Variants in CLIP4 observed in about 807,000 individuals in gnomAD.
The protein encoded by CLIP4 is CAP-Gly domain-containing linker protein 4.
CLIP4 carries 47 observed loss-of-function variants against 73.1 expected under a neutral mutation model. The ratio of observed to expected loss-of-function variants is 0.64; its 90% CI spans 0.51 to 0.82. The LOEUF is 0.82. Among genes scored for constraint, CLIP4 ranks in the 40% least tolerant of loss-of-function variants. CLIP4 has a pLI of 0.00. For synonymous variants in CLIP4, 306 were observed against 295.4 expected (o/e 1.04, Z -0.37); for missense variants, 874 against 852.9 (o/e 1.02, Z -0.31).
At chr2:29,173,517 C>T (rs189395725) in intron 14 of CLIP4, among the ~76,000 whole-genome samples, 2 of 152,304 alleles carry the variant, frequency 1.3e-5, no homozygotes, top group African/African-American at 2.4e-5. Flanking sequence ...TGGAATTCAG[C>T]GGAAAGCCTG....
intron 13 of CLIP4, among the ~76,000 whole-genome samples, chr2:29,165,038 T>A (rs1263175552): frequency 6.6e-6 from 1 of 152,210 alleles, no homozygotes; most frequent in East Asian, 1.9e-4. Flanking sequence ...CTGTACAGTG[T>A]GCTTTAGATG....
At chr2:29,129,394 A>G (rs1237638707) in intron 2 of CLIP4, among the ~76,000 whole-genome samples, 1 of 152,062 alleles carries the variant, frequency 6.6e-6, no homozygotes, top group Non-Finnish European at 1.5e-5. Flanking sequence ...AATTTATATA[A>G]GCACTTGTTT....
At chr2:29,124,467 T>C (rs1170668631) in intron 2 of CLIP4, among the ~76,000 whole-genome samples, 1 of 152,192 alleles carries the variant, frequency 6.6e-6, no homozygotes, top group Non-Finnish European at 1.5e-5. Context: ...TGCTTGGGTT[T>C]GGTTGAGCTG....
intron 1 of CLIP4, among the ~76,000 whole-genome samples, chr2:29,106,895 C>T (rs766981333): frequency 6.6e-6 from 1 of 152,144 alleles, no homozygotes; most frequent in Non-Finnish European, 1.5e-5. Flanking sequence ...TTGAACTCTA[C>T]GTGAATTAAA....
intron 1 of CLIP4, among the ~76,000 whole-genome samples, chr2:29,117,557 C>A (rs1248327454): frequency 1.3e-5 from 2 of 152,180 alleles, no homozygotes; most frequent in African/African-American, 4.8e-5. Context: ...GTCTCGAACT[C>A]CTGACCTGAA....
intron 1 of CLIP4, among the ~76,000 whole-genome samples, chr2:29,107,372 T>G (rs975899688): frequency 7.2e-5 from 9 of 124,668 alleles, no homozygotes; most frequent in Admixed American, 2.4e-4. Flanking sequence ...TTTTTTTTTT[T>G]TTTTTTTTTT....
chr2:29,132,204 C>T lies in CLIP4; in HGVS notation c.326C>T (p.Thr109Ile). The stretch of plus-strand genomic sequence containing the variant: ...GATAGAGATGGATTGACAGATATGA[C>T]TCTTTTACATTATACCTGCAAATCT... ...VNDRDGLTDM[T>I]LLHYTCKSGA... Residue 109 changes from threonine (T) to isoleucine (I), a missense_variant, in exon 4 of 16, where the codon ACT becomes ATT. Physicochemically the swap from Thr to Ile is moderately conservative, Grantham distance 89 (BLOSUM62 -1). Coordinates refer to ENST00000320081, the MANE Select transcript of CLIP4 (RefSeq NM_024692.6). The T allele has an allele frequency of 1.2e-6, 2 of 1,613,738 alleles. No individual in the cohort carries two copies. The highest frequency in any genetic ancestry group is 1.7e-6 in the Non-Finnish European group (2 of 1,179,768).
chr2:29,175,455 T>C (rs1668269555), intron 15 of CLIP4: 1 of 152,286 alleles, frequency 6.6e-6, no homozygotes, highest in Non-Finnish European at 1.5e-5. Flanking sequence ...TGGAAGAAGC[T>C]GCTAAGAAGA....
intron 1 of CLIP4, among the ~76,000 whole-genome samples, chr2:29,109,506 T>C (rs1308986066): frequency 1.3e-5 from 2 of 152,260 alleles, no homozygotes; most frequent in East Asian, 3.8e-4. Context: ...TTTCTTTGTG[T>C]TGAGAACATT....
At chr2:29,153,391 A>G (rs1389107296) in intron 9 of CLIP4, among the ~76,000 whole-genome samples, 2 of 152,114 alleles carry the variant, frequency 1.3e-5, no homozygotes, top group Admixed American at 6.6e-5. Context: ...ATCTGTGTGC[A>G]GTAATTTGAC....
intron 13 of CLIP4, among the ~76,000 whole-genome samples, chr2:29,165,747 T>C (rs1325525786): frequency 6.6e-6 from 1 of 152,196 alleles, no homozygotes; most frequent in Non-Finnish European, 1.5e-5. Context: ...AGTACATAGT[T>C]TGGCATATTT....
At chr2:29,130,887 G>A (rs1664925613) in intron 2 of CLIP4, 1 of 1,290,470 alleles carries the variant, frequency 7.7e-7, no homozygotes, top group Non-Finnish European at 1.0e-6. Flanking sequence ...TGAGCTCAGT[G>A]GTGAGTTACC....
chr2:29,175,854 C>T lies in CLIP4; in HGVS notation c.1796+1409C>T, dbSNP rs559091693. ...TCGGCTCACTGCAAGCTCCGCCTCC[C>T]GGGTTCACGCCATTCTTCTGTCTCA... On this transcript the variant is annotated intron_variant, in intron 15 of 15. Transcript: ENST00000320081. 1.8e-3 allele frequency among the ~76,000 whole-genome samples: 271 copies of T among 152,156 alleles called. 1 individual carries two copies. Among genetic ancestry groups the T allele is most frequent in the African/African-American group, 6.2e-3 (256 of 41,512 alleles).
At chr2:29,104,639 G>A (rs1242334172) in intron 1 of CLIP4, among the ~76,000 whole-genome samples, 1 of 152,166 alleles carries the variant, frequency 6.6e-6, no homozygotes, top group Non-Finnish European at 1.5e-5. Flanking sequence ...GCTCATGCTT[G>A]GGAGTGGCCA....
At chr2:29,179,671 A>G (rs749226546) in intron 15 of CLIP4, among the ~76,000 whole-genome samples, 3 of 152,282 alleles carry the variant, frequency 2.0e-5, no homozygotes, top group Non-Finnish European at 4.4e-5. Context: ...AGCTATTGTC[A>G]TCATTCCTAT....
At chr2:29,110,148 T>G (rs1668347774) in intron 1 of CLIP4, among the ~76,000 whole-genome samples, 1 of 152,322 alleles carries the variant, frequency 6.6e-6, no homozygotes, top group Non-Finnish European at 1.5e-5. Flanking sequence ...TAAGGGTTTA[T>G]TTTGCAAAAG....
chr2:29,104,977 CTGT>C (rs915594242), intron 1 of CLIP4, among the ~76,000 whole-genome samples: 2 of 152,150 alleles, frequency 1.3e-5, no homozygotes, highest in African/African-American at 4.8e-5. Context: ...AGCTGTGTGG[CTGT>C]TGTTTTTTTG....
chr2:29,181,449 A>G (rs1483019580), intron 15 of CLIP4, 123 bp from the exon 16 acceptor site: 7 of 797,424 alleles, frequency 8.8e-6, no homozygotes, highest in Non-Finnish European at 1.4e-5. Flanking sequence ...TTGTGACCAT[A>G]AAGTATTCTC....
intron 9 of CLIP4, among the ~76,000 whole-genome samples, chr2:29,153,191 C>G (rs199945187): frequency 8.6e-5 from 13 of 152,022 alleles, no homozygotes; most frequent in Non-Finnish European, 1.6e-4. Flanking sequence ...AGTCCTGACT[C>G]GGGAAACTAG....
Sources: gnomAD v4.1 joint callset for allele counts (sites outside exome capture counted in the v4.1 genomes callset) on GRCh38, gnomAD v4.1.1 for gene constraint, MANE v1.5 for transcripts, NCBI Gene and HGNC (gene_info 2026-07-23, HGNC 2026-07-21) for gene names.